Variants in MZT2A observed in about 807,000 individuals in gnomAD.
MZT2A encodes the protein mitotic spindle organizing protein 2A.
A neutral mutation model predicts 12.4 loss-of-function variants in MZT2A; 8 were observed. The ratio of observed to expected loss-of-function variants is 0.64; its 90% CI spans 0.38 to 1.16. The LOEUF is 1.16. Among genes scored for constraint, MZT2A ranks in the 50% most tolerant of loss-of-function variants. The probability of loss-of-function intolerance (pLI) is 0.01; values close to 1 mark genes in which losing one functional copy is unlikely to be tolerated. For synonymous variants in MZT2A, 88 were observed against 107.5 expected, an observed-to-expected ratio of 0.82 and a Z score of 1.12; for missense variants, 181 against 223.6, an observed-to-expected ratio of 0.81 and a Z score of 1.22.
At chr2:131,478,179 A>C in intron 2 of MZT2A, 1 of 1,613,688 alleles carries the variant, frequency 6.2e-7, no homozygotes, top group Non-Finnish European at 8.5e-7. Context: ...GTGTATCTCT[A>C]TCCACGTGGG....
chr2:131,480,305 C>T (rs560756950), downstream of MZT2A: 17 of 1,613,342 alleles, frequency 1.1e-5, no homozygotes, highest in South Asian at 7.7e-5. Flanking sequence ...CCTTCATGGT[C>T]GACAATGAAG....
downstream of MZT2A, among the ~76,000 whole-genome samples, chr2:131,482,189 T>C (rs1678887722): frequency 6.6e-6 from 1 of 152,228 alleles, no homozygotes; most frequent in Admixed American, 6.5e-5. Context: ...ACTCTGAATC[T>C]ATCTGGGTGG....
intron 1 of MZT2A, 39 bp downstream of exon 1, chr2:131,492,168 G>A (rs752125436): frequency 6.5e-6 from 10 of 1,536,708 alleles, no homozygotes; most frequent in African/African-American, 1.4e-5. Flanking sequence ...GAGGTCGGGG[G>A]TGTCTGGCGA....
intron 2 of MZT2A, chr2:131,491,591 T>C (rs2104743261): frequency 7.2e-6 from 4 of 555,384 alleles, no homozygotes; most frequent in Non-Finnish European, 3.1e-6. Context: ...CTTTGTAGGA[T>C]GAAGGCCTGA....
intron 2 of MZT2A, chr2:131,491,169 G>A: frequency 1.9e-6 from 1 of 531,660 alleles, no homozygotes; most frequent in Non-Finnish European, 3.4e-6. Flanking sequence ...GCAACATGCG[G>A]AGAGGATGAG....
chr2:131,484,173 G>T lies in MZT2A; in HGVS notation c.365C>A (p.Ala122Glu). Residue 122 changes from alanine to glutamate, a missense_variant, in exon 3 of 3, where the codon GCG (alanine) becomes GAG (glutamate). Coordinates refer to ENST00000309451, the MANE Select transcript of MZT2A (RefSeq NM_001085365.2). ...GGATCCCTCGTGGTTGCTGCGTTCC[G>T]CCAGGGCCAATACTCCCCCGAGGGC... Reference protein sequence around the residue: ...SAALGGVLALAERSNHEGSSQ... With the variant: ...SAALGGVLALEERSNHEGSSQ... 6.2e-7 allele frequency: 1 copy of T among 1,614,082 alleles called. No individual in the cohort carries two copies. The highest frequency in any genetic ancestry group is 8.5e-7 in the Non-Finnish European group (1 of 1,179,984).
At chr2:131,489,843 G>C (rs952396359) in intron 2 of MZT2A, 1 of 960,494 alleles carries the variant, frequency 1.0e-6, no homozygotes, top group African/African-American at 1.8e-5. Flanking sequence ...GCCTCTCACT[G>C]GACTGAGTGT....
downstream of MZT2A, chr2:131,482,873 C>T (rs746117701): frequency 1.9e-6 from 3 of 1,601,870 alleles, no homozygotes; most frequent in African/African-American, 1.3e-5. Flanking sequence ...GGGTTCTCCC[C>T]TGCCACCCCC....
intron 2 of MZT2A, among the ~76,000 whole-genome samples, chr2:131,484,607 G>T (rs1372053409): frequency 6.6e-6 from 1 of 152,178 alleles, no homozygotes; most frequent in Non-Finnish European, 1.5e-5. Context: ...CAGCAGCAGG[G>T]ACGCGCTGCC....
At chr2:131,492,432 C>A, upstream of MZT2A, 1 of 1,201,638 alleles carries the variant, frequency 8.3e-7, no homozygotes, top group Non-Finnish European at 1.0e-6. Flanking sequence ...AGCGGATGCG[C>A]CCACCGCCCT....
At chr2:131,493,225 C>T (rs1416894612), upstream of MZT2A, 38 of 1,365,808 alleles carry the variant, frequency 2.8e-5, no homozygotes, top group Non-Finnish European at 3.5e-5. Flanking sequence ...TCCGTTCCTC[C>T]GCGAGCCCCA....
intron 2 of MZT2A, among the ~76,000 whole-genome samples, chr2:131,488,343 T>A (rs1372747363): frequency 6.6e-6 from 1 of 152,196 alleles, no homozygotes; most frequent in Non-Finnish European, 1.5e-5. Context: ...CTATTTCCCC[T>A]TCCCTGTGGG....
At chr2:131,474,478 T>C (rs6725894) in intron 2 of MZT2A, among the ~76,000 whole-genome samples, 24,731 of 146,866 alleles carry the variant, frequency 0.17, 3,861 homozygotes, top group African/African-American at 0.41. Flanking sequence ...GGTGTGATCT[T>C]GACTCACTGC....
Position 131,491,988 on chromosome 2 carries a change from G to C in MZT2A, c.207C>G (p.Pro69=), listed in dbSNP as rs980421343. Residue 69 remains proline, a synonymous_variant, in exon 2 of 3, where the codon CCC becomes CCG. Coordinates refer to ENST00000309451, the MANE Select transcript of MZT2A (RefSeq NM_001085365.2). ...ACTTGAGCATCTGGAAGACGGCGAG[G>C]GGGGCCACGTTCAGCTTCAGCAGGT... ...LVDLLKLNVA[P]LAVFQMLKSM... 6.4e-6 allele frequency: 10 copies of C among 1,550,582 alleles called. No individual in the cohort carries two copies. Among genetic ancestry groups the C allele is most frequent in the South Asian group, 5.9e-5 (5 of 84,338 alleles).
intron 2 of MZT2A, chr2:131,472,229 T>C (rs1198369025): frequency 7.9e-6 from 10 of 1,268,822 alleles, no homozygotes; most frequent in Non-Finnish European, 8.2e-6. Flanking sequence ...TTACTTTCTG[T>C]GTAGCAACTA....
At chr2:131,473,252 G>T (rs2105264264) in intron 2 of MZT2A, among the ~76,000 whole-genome samples, 1 of 152,174 alleles carries the variant, frequency 6.6e-6, no homozygotes, top group East Asian at 1.9e-4. Context: ...CTCCTGGGGA[G>T]AAGGGGCCAG....
chr2:131,491,516 C>G (rs570892092), intron 2 of MZT2A: 1 of 412,082 alleles, frequency 2.4e-6, no homozygotes, highest in East Asian at 5.0e-5. Flanking sequence ...ATCCTCCCGC[C>G]GTGGGGTCCC....
At chr2:131,480,176 C>G (rs562344674), downstream of MZT2A, 15 of 1,613,756 alleles carry the variant, frequency 9.3e-6, no homozygotes, top group Non-Finnish European at 1.3e-5. Context: ...CAGTGGATTA[C>G]GGCAAGAAGT....
chr2:131,478,041 A>G, intron 2 of MZT2A: 1 of 1,343,492 alleles, frequency 7.4e-7, no homozygotes, highest in Non-Finnish European at 1.0e-6. Context: ...CCTAGGAAAT[A>G]TCGATTGTGA....
Sources: gnomAD v4.1 joint callset for allele counts (sites outside exome capture counted in the v4.1 genomes callset) on GRCh38, gnomAD v4.1.1 for gene constraint, MANE v1.5 for transcripts, NCBI Gene and HGNC (gene_info 2026-07-23, HGNC 2026-07-21) for gene names.